The following SLCO4C1 variants were observed in gnomAD, a reference collection of about 807,000 sequenced individuals.
The protein encoded by SLCO4C1 is organic anion transporter M1.
SLCO4C1 carries 58 observed loss-of-function variants against 72.1 expected under a neutral mutation model. That is an observed-to-expected ratio of 0.80 (90% CI 0.65 to 1.00). The LOEUF is 1.00. SLCO4C1 is among the 50% of genes least tolerant of loss of function. SLCO4C1 has a pLI of 0.00. For synonymous variants in SLCO4C1, 297 were observed against 312.5 expected (o/e 0.95, Z 0.52); for missense variants, 898 against 857.9 (o/e 1.05, Z -0.58).
chr5:102,263,663 G>A, intron 4 of SLCO4C1, 21 bp downstream of exon 4: 1 of 1,590,654 alleles, frequency 6.3e-7, no homozygotes, highest in Non-Finnish European at 8.6e-7. Context: ...TTAAATAAAA[G>A]AAAAATAGAT....
At chr5:102,285,368 T>C (rs1427123268) in intron 2 of SLCO4C1, among the ~76,000 whole-genome samples, 1 of 152,176 alleles carries the variant, frequency 6.6e-6, no homozygotes, top group Non-Finnish European at 1.5e-5. Context: ...CCCTGCAACC[T>C]CCGCCTCCTG....
Position 102,260,221 on chromosome 5 carries a change from C to A in SLCO4C1, c.1120G>T (p.Ala374Ser). Residue 374 changes from alanine (A) to serine (S), a missense_variant, in exon 6 of 13, where the codon GCT becomes TCT. Ala to Ser is a moderately conservative substitution (Grantham distance 99). Transcript: ENST00000310954. ...FGKSIKDFPAALKNLMKNAVF... is the reference protein window; with the variant it reads ...FGKSIKDFPASLKNLMKNAVF... ...GAAGAATTTTATTTTACCTTTAGAG[C>A]AGCTGGAAAATCTTTAATACTTTTT... is the stretch of plus-strand genomic sequence containing the variant. The A allele has an allele frequency of 7.5e-7, 1 of 1,331,774 alleles. No individual in the cohort carries two copies. The highest frequency in any genetic ancestry group is 2.1e-5 in the South Asian group (1 of 47,458). The allele number at this position is 1,331,774 out of a possible 1,614,324, so 82.5% of individuals were successfully genotyped here.
At chr5:102,272,633 G>C (rs181668423) in intron 2 of SLCO4C1, among the ~76,000 whole-genome samples, 1 of 152,232 alleles carries the variant, frequency 6.6e-6, no homozygotes, top group East Asian at 1.9e-4. Context: ...AAAATCCAGA[G>C]CTCAAAACGG....
In SLCO4C1 at chr5:102,234,788, GAA is replaced by G. The variant is rs1384013203; in HGVS notation, c.*2068_*2069del. 4.1e-5 allele frequency: 5 copies of G among 122,554 alleles called. No homozygotes were observed. The highest frequency in any genetic ancestry group is 1.6e-4 in the Admixed American group (2 of 12,778). The allele number at this position is 122,554 out of a possible 1,614,324, so 7.6% of individuals were successfully genotyped here. On this transcript the variant is annotated 3_prime_UTR_variant, in exon 13 of 13. Coordinates refer to ENST00000310954, the MANE Select transcript of SLCO4C1 (RefSeq NM_180991.5). ...TCCCTGCTTCCACACAAAGGACAAA[GAA>G]AGCCTAAACTTTCCTTTTCCTTTTT...
At chr5:102,258,171 A>G in intron 6 of SLCO4C1, 84 bp from the exon 7 acceptor site, 1 of 1,151,380 alleles carries the variant, frequency 8.7e-7, no homozygotes, top group Non-Finnish European at 1.2e-6. Context: ...ATGATGAAAT[A>G]ACAAAATTTT....
intron 12 of SLCO4C1, 58 bp downstream of exon 12, chr5:102,239,193 A>AT (rs199652834): frequency 0.18 from 200,672 of 1,116,370 alleles, 2,794 homozygotes; most frequent in South Asian, 0.27. Context: ...CAACAATGAG[A>AT]TTTTTTTTTT....
intron 2 of SLCO4C1, among the ~76,000 whole-genome samples, chr5:102,282,231 T>TA (rs1176343113): frequency 6.6e-6 from 1 of 152,028 alleles, no homozygotes; most frequent in Non-Finnish European, 1.5e-5. Context: ...TAATTTATAA[T>TA]AAAAAACTTT....
chr5:102,270,953 C>T, intron 2 of SLCO4C1, 147 bp from the exon 3 acceptor site: 1 of 723,996 alleles, frequency 1.4e-6, no homozygotes, highest in Non-Finnish European at 2.1e-6. Context: ...AAAAATACAT[C>T]AAAAGAAAAA....
chr5:102,240,445 T>G (rs1168257116), intron 11 of SLCO4C1, among the ~76,000 whole-genome samples: 1 of 152,132 alleles, frequency 6.6e-6, no homozygotes, highest in Non-Finnish European at 1.5e-5. Flanking sequence ...AATTATGTGT[T>G]GATGATCATA....
intron 12 of SLCO4C1, 59 bp downstream of exon 12, chr5:102,239,192 G>T: frequency 3.0e-6 from 4 of 1,352,862 alleles, no homozygotes; most frequent in African/African-American, 1.5e-5. Flanking sequence ...CCAACAATGA[G>T]ATTTTTTTTT....
At chr5:102,244,940 C>T (rs1748610837) in intron 10 of SLCO4C1, among the ~76,000 whole-genome samples, 1 of 152,082 alleles carries the variant, frequency 6.6e-6, no homozygotes, top group Admixed American at 6.6e-5. Context: ...AAGTAATCAC[C>T]TGAAGGTACA....
chr5:102,252,984 G>A (rs929355537), intron 8 of SLCO4C1, among the ~76,000 whole-genome samples: 2 of 151,974 alleles, frequency 1.3e-5, no homozygotes, highest in East Asian at 1.9e-4. Flanking sequence ...TAAATACAAA[G>A]TATTCTATAA....
Position 102,260,206 on chromosome 5 carries a change from AT to A in SLCO4C1, c.1128+6del. 2.5e-6 allele frequency: 3 copies of A among 1,214,124 alleles called. No homozygotes were observed. Among genetic ancestry groups the A allele is most frequent in the South Asian group, 4.7e-5 (2 of 42,570 alleles). 75.2% of individuals were successfully genotyped at this position (1,214,124 alleles called of 1,614,324 possible). On this transcript the variant is annotated splice_donor_region_variant and intron_variant, in intron 6 of 12. Coordinates refer to ENST00000310954, the MANE Select transcript of SLCO4C1 (RefSeq NM_180991.5). ...TGAGAGAGAGACAGAGAAGAATTTT[AT>A]TTTACCTTTAGAGCAGCTGGAAAAT...
chr5:102,249,287 A>G (rs1330575721), intron 9 of SLCO4C1, among the ~76,000 whole-genome samples: 2 of 152,118 alleles, frequency 1.3e-5, no homozygotes, highest in South Asian at 4.1e-4. Context: ...CTTCAAGGCC[A>G]TCGGCAGGAC....
intron 2 of SLCO4C1, among the ~76,000 whole-genome samples, chr5:102,277,300 G>C (rs1749264007): frequency 6.6e-6 from 1 of 151,936 alleles, no homozygotes; most frequent in East Asian, 1.9e-4. Flanking sequence ...GGTGGTGTCA[G>C]AGAAGGATGA....
chr5:102,273,016 T>A (rs1318556483), intron 2 of SLCO4C1, among the ~76,000 whole-genome samples: 2 of 151,910 alleles, frequency 1.3e-5, no homozygotes, highest in East Asian at 3.9e-4. Context: ...AAACATGGGC[T>A]AAATAACTCA....
intron 3 of SLCO4C1, among the ~76,000 whole-genome samples, chr5:102,266,115 G>T (rs1046385317): frequency 6.6e-6 from 1 of 151,854 alleles, no homozygotes; most frequent in Non-Finnish European, 1.5e-5. Flanking sequence ...GTTCATCATT[G>T]GTGTAAAGAA....
chr5:102,279,733 G>A lies in SLCO4C1; in HGVS notation c.620-8927C>T, dbSNP rs371464472. 5.3e-5 allele frequency among the ~76,000 whole-genome samples: 8 copies of A among 152,112 alleles called. No homozygotes were observed. In the South Asian group the frequency reaches 1.0e-3, roughly 20 times the overall value. On this transcript the variant is annotated intron_variant, in intron 2 of 12. Coordinates refer to ENST00000310954, the MANE Select transcript of SLCO4C1 (RefSeq NM_180991.5). ...AAAGAATTGTACACCATTGCCAGGTGAGGTTTATTCTGGGATGCAAGGCTG... is the reference window on the plus strand; with the variant it reads ...AAAGAATTGTACACCATTGCCAGGTAAGGTTTATTCTGGGATGCAAGGCTG...
intron 1 of SLCO4C1, among the ~76,000 whole-genome samples, chr5:102,295,558 T>G (rs891963555): frequency 3.3e-5 from 5 of 152,246 alleles, no homozygotes; most frequent in African/African-American, 1.2e-4. Flanking sequence ...AATTTTTGTC[T>G]TTATAATGTA....
Sources: gnomAD v4.1 joint callset for allele counts (sites outside exome capture counted in the v4.1 genomes callset) on GRCh38, gnomAD v4.1.1 for gene constraint, MANE v1.5 for transcripts, NCBI Gene and HGNC (gene_info 2026-07-23, HGNC 2026-07-21) for gene names.